FCRL4: variants seen among roughly 807,000 people sequenced by gnomAD.
FCRL4 encodes the protein Fc receptor-like protein 4.
A neutral mutation model predicts 64.1 loss-of-function variants in FCRL4; 43 were observed. That is an observed-to-expected ratio of 0.67 (90% CI 0.53 to 0.87). The LOEUF (loss-of-function observed/expected upper bound fraction) is 0.87, where lower values mean the gene tolerates loss of function less well. Ranked by LOEUF, FCRL4 falls within the 40% of genes least tolerant of loss-of-function variation. FCRL4 has a pLI of 0.00. For missense variants in FCRL4, 656 were observed against 613.5 expected (o/e 1.07, Z -0.73); for synonymous variants, 253 against 239.8 (o/e 1.05, Z -0.51).
rs866365745 is a variant in FCRL4 at position 157,585,344 on chromosome 1, C to T, written c.1135+824G>A. 2.8e-4 allele frequency among the ~76,000 whole-genome samples: 23 copies of T among 81,314 alleles called. 1 individual carries two copies. The highest frequency in any genetic ancestry group is 8.5e-4 in the East Asian group (2 of 2,354). The allele number at this position is 81,314 out of a possible 152,430, so 53.3% of individuals were successfully genotyped here. The stretch of plus-strand genomic sequence containing the variant: ...CTTCCTTCTCTCTTTCTTTCTCTCT[C>T]TCTTTCTTTCTTTCTTTCTTTCTTT... On this transcript the variant is annotated intron_variant, in intron 6 of 11. Coordinates refer to ENST00000271532, the MANE Select transcript of FCRL4 (RefSeq NM_031282.3).
chr1:157,579,744 A>G (rs985452600), intron 8 of FCRL4, among the ~76,000 whole-genome samples: 1 of 143,682 alleles, frequency 7.0e-6, no homozygotes, highest in African/African-American at 2.9e-5. Context: ...ACATACATAC[A>G]TACATAAAAT....
At chr1:157,596,978 C>A (rs1033808121) in intron 1 of FCRL4, among the ~76,000 whole-genome samples, 1 of 152,160 alleles carries the variant, frequency 6.6e-6, no homozygotes, top group Non-Finnish European at 1.5e-5. Flanking sequence ...CATGGGGTGC[C>A]CTTAGAAAAG....
chr1:157,580,308 A>G lies in FCRL4; in HGVS notation c.1277+13T>C. 1 of 1,614,090 alleles carries G rather than the reference A, an allele frequency of 6.2e-7. No homozygotes were observed. The highest frequency in any genetic ancestry group is 8.5e-7 in the Non-Finnish European group (1 of 1,179,944). On this transcript the variant is annotated intron_variant, in intron 8 of 11. Transcript: ENST00000271532. ...GGGAAACTAAAAAGGAATGGCAGAAACTGAGGTCTCACCTGGTTTCGTCTC... is the reference window on the plus strand; with the variant it reads ...GGGAAACTAAAAAGGAATGGCAGAAGCTGAGGTCTCACCTGGTTTCGTCTC...
chr1:157,578,348 G>A, intron 10 of FCRL4, 126 bp downstream of exon 10: 1 of 757,548 alleles, frequency 1.3e-6, no homozygotes, highest in Non-Finnish European at 2.2e-6. Flanking sequence ...AGGGATTTTT[G>A]TCTGCCTTGT....
At chr1:157,579,571 G>A (rs1400932355) in intron 8 of FCRL4, among the ~76,000 whole-genome samples, 2 of 152,106 alleles carry the variant, frequency 1.3e-5, no homozygotes, top group African/African-American at 4.8e-5. Context: ...ACAAAAATTA[G>A]CTAGATGTGG....
At chr1:157,583,581 G>C (rs555197385) in intron 6 of FCRL4, among the ~76,000 whole-genome samples, 1 of 152,250 alleles carries the variant, frequency 6.6e-6, no homozygotes, top group South Asian at 2.1e-4. Context: ...GCCATGTAAG[G>C]ACACAGCAAG....
At chr1:157,584,992 G>A (rs1652640948) in intron 6 of FCRL4, among the ~76,000 whole-genome samples, 1 of 152,162 alleles carries the variant, frequency 6.6e-6, no homozygotes, top group African/African-American at 2.4e-5. Context: ...AGGAGGGAGG[G>A]ATCAATTGTA....
chr1:157,575,390 T>A lies in FCRL4; in HGVS notation c.*134A>T. 1 of 675,194 alleles carries A rather than the reference T, an allele frequency of 1.5e-6. No individual in the cohort carries two copies. Among genetic ancestry groups the A allele is most frequent in the Admixed American group, 2.3e-5 (1 of 43,896 alleles). The allele number at this position is 675,194 out of a possible 1,614,324, so 41.8% of individuals were successfully genotyped here. On this transcript the variant is annotated 3_prime_UTR_variant, in exon 12 of 12. Transcript: ENST00000271532. ...ACGAATGAGTATTCCTGGGAGTGAA[T>A]GCATATGCATGAGAAGAATTAGAAA...
chr1:157,586,737 G>A (rs142355208), intron 5 of FCRL4, among the ~76,000 whole-genome samples: 1 of 152,184 alleles, frequency 6.6e-6, no homozygotes, highest in South Asian at 2.1e-4. Flanking sequence ...GAGTTGTTTT[G>A]AGGGGCAGGT....
rs750507305 is a variant in FCRL4 at position 157,589,395 on chromosome 1, C to G, written c.116G>C (p.Arg39Thr). 6 of 1,614,128 alleles carry G rather than the reference C, an allele frequency of 3.7e-6. No individual in the cohort carries two copies. In the South Asian group the frequency reaches 6.6e-5, roughly 18 times the overall value. The change falls in exon 3 of 12, where the codon AGA (arginine) becomes ACA (threonine). Residue 39 changes from arginine (R) to threonine (T), a missense_variant. Transcript: ENST00000271532. ...PPWTTFFKGE[R>T]VTLTCNGFQF... ...AAATCCATTGCAAGTCAGAGTCACT[C>G]TCTCTCCTTTGAAGAATGTGGTCCA... is the stretch of plus-strand genomic sequence containing the variant.
chr1:157,585,910 C>T (rs1652679497), intron 6 of FCRL4, among the ~76,000 whole-genome samples: 1 of 152,124 alleles, frequency 6.6e-6, no homozygotes, highest in Admixed American at 6.5e-5. Flanking sequence ...GAGATAAACA[C>T]ACAATGGACC....
intron 7 of FCRL4, among the ~76,000 whole-genome samples, chr1:157,580,785 G>T (rs1421041748): frequency 1.3e-5 from 2 of 152,326 alleles, no homozygotes; most frequent in East Asian, 1.9e-4. Flanking sequence ...CACACAGAAG[G>T]TGCTGTCAGG....
At chr1:157,590,295 A>C (rs920490464) in intron 2 of FCRL4, among the ~76,000 whole-genome samples, 4 of 152,168 alleles carry the variant, frequency 2.6e-5, no homozygotes, top group Admixed American at 1.3e-4. Flanking sequence ...GAACATACGC[A>C]TAAACCAAAA....
chr1:157,591,383 C>T (rs1652836455), intron 2 of FCRL4, among the ~76,000 whole-genome samples: 1 of 152,006 alleles, frequency 6.6e-6, no homozygotes, highest in Non-Finnish European at 1.5e-5. Context: ...TTCTTTAAAC[C>T]TAACATAGAT....
Position 157,589,419 on chromosome 1 carries a change from C to G in FCRL4, c.92G>C (p.Trp31Ser). The G allele has an allele frequency of 6.2e-7, 1 of 1,614,138 alleles. No individual in the cohort carries two copies. Among genetic ancestry groups the G allele is most frequent in the Non-Finnish European group, 8.5e-7 (1 of 1,180,024 alleles). ...HKPVISVHPP[W>S]TTFFKGERVT... ...TCTCTCTCCTTTGAAGAATGTGGTCCATGGAGGATGGACGGAAATCACAGG... is the reference window on the plus strand; with the variant it reads ...TCTCTCTCCTTTGAAGAATGTGGTCGATGGAGGATGGACGGAAATCACAGG... The change falls in exon 3 of 12, where the codon TGG (tryptophan) becomes TCG (serine). Residue 31 changes from tryptophan (W) to serine (S), a missense_variant. Transcript: ENST00000271532.
intron 7 of FCRL4, among the ~76,000 whole-genome samples, 184 bp downstream of exon 7, chr1:157,581,347 A>G (rs938965656): frequency 2.0e-5 from 3 of 152,116 alleles, no homozygotes; most frequent in African/African-American, 7.2e-5. Context: ...GCTCTCATTC[A>G]TGGCTTCTGT....
intron 2 of FCRL4, among the ~76,000 whole-genome samples, chr1:157,590,928 A>G (rs1055393372): frequency 6.6e-6 from 1 of 152,218 alleles, no homozygotes; most frequent in Non-Finnish European, 1.5e-5. Context: ...AACTGATGAA[A>G]AGCAGATTCA....
At chr1:157,579,390 C>T (rs932659728) in intron 8 of FCRL4, among the ~76,000 whole-genome samples, 2 of 149,920 alleles carry the variant, frequency 1.3e-5, no homozygotes, top group African/African-American at 2.5e-5. Flanking sequence ...ATAATGGCTT[C>T]TTCATCATCA....
At position 157,575,527 on chromosome 1, in the gene FCRL4, A is replaced by C. The variant is rs745699296; in HGVS notation, c.1545T>G (p.Ser515Arg). The C allele has an allele frequency of 6.2e-7, 1 of 1,612,378 alleles. No individual in the cohort carries two copies. The highest frequency in any genetic ancestry group is 1.7e-5 in the Admixed American group (1 of 59,966). Residue 515 changes from serine to arginine, a missense_variant, in exon 12 of 12, where the codon AGT becomes AGG. Transcript: ENST00000271532. The part of the protein sequence containing the change: ...AGKISSKDEE[S>R] Reference sequence around the variant, plus strand: ...GTTCTCGTAACTTTTCATTCTCTTAACTTTCTTCATCCTTAGAGCTGATCT... The same window carrying C: ...GTTCTCGTAACTTTTCATTCTCTTACCTTTCTTCATCCTTAGAGCTGATCT...
Sources: gnomAD v4.1 joint callset for allele counts (sites outside exome capture counted in the v4.1 genomes callset) on GRCh38, gnomAD v4.1.1 for gene constraint, MANE v1.5 for transcripts, NCBI Gene and HGNC (gene_info 2026-07-23, HGNC 2026-07-21) for gene names.